KLHL25: variants seen among roughly 807,000 people sequenced by gnomAD.
KLHL25 encodes kelch like family member 25.
A neutral mutation model predicts 30.0 loss-of-function variants in KLHL25; 41 were observed. That is an observed-to-expected ratio of 1.37 (90% CI 1.07 to 1.78). KLHL25 has a LOEUF of 1.78. KLHL25 is among the 40% of genes most tolerant of loss of function. The pLI, the probability that KLHL25 is intolerant of heterozygous loss-of-function variation, is 0.00. For synonymous variants in KLHL25, 399 were observed against 355.3 expected, an observed-to-expected ratio of 1.12 and a Z score of -1.38; for missense variants, 971 against 824.5, an observed-to-expected ratio of 1.18 and a Z score of -2.18.
At chr15:85,777,528 G>A (rs1022416619) in intron 1 of KLHL25, among the ~76,000 whole-genome samples, 5 of 152,218 alleles carry the variant, frequency 3.3e-5, no homozygotes, top group South Asian at 2.1e-4. Flanking sequence ...AGGGCCGGCC[G>A]ATGTTTCAGT....
intron 1 of KLHL25, among the ~76,000 whole-genome samples, chr15:85,791,457 T>C (rs574615564): frequency 6.6e-6 from 1 of 152,138 alleles, no homozygotes; most frequent in Non-Finnish European, 1.5e-5. Context: ...ATGGCGCCAT[T>C]GCACTCCAGC....
At chr15:85,793,456 A>C (rs2089830063) in intron 1 of KLHL25, among the ~76,000 whole-genome samples, 1 of 152,136 alleles carries the variant, frequency 6.6e-6, no homozygotes, top group South Asian at 2.1e-4. Context: ...TTGGGACACC[A>C]AATGGACCCT....
At chr15:85,776,874 G>A (rs1350242053) in intron 1 of KLHL25, among the ~76,000 whole-genome samples, 3 of 151,316 alleles carry the variant, frequency 2.0e-5, no homozygotes, top group Admixed American at 6.6e-5. Context: ...GCAGTGAGCC[G>A]AGATGCCACC....
At chr15:85,767,183 G>A (rs1044392075) in intron 2 of KLHL25, among the ~76,000 whole-genome samples, 2 of 152,030 alleles carry the variant, frequency 1.3e-5, no homozygotes, top group East Asian at 1.9e-4. Flanking sequence ...GTAGGGATGG[G>A]GTTTCACTTG....
At chr15:85,776,441 A>T (rs2089709655) in intron 1 of KLHL25, among the ~76,000 whole-genome samples, 1 of 151,826 alleles carries the variant, frequency 6.6e-6, no homozygotes, top group South Asian at 2.1e-4. Flanking sequence ...GTGAGCCAAG[A>T]TCGTGCCACT....
intron 1 of KLHL25, among the ~76,000 whole-genome samples, chr15:85,793,510 C>A (rs531080134): frequency 1.3e-5 from 2 of 152,270 alleles, no homozygotes; most frequent in East Asian, 3.9e-4. Context: ...CAGACCCCCA[C>A]GCAAGCCTTC....
rs758839505 is a variant in KLHL25, at chr15:85,768,406, C to A, written c.1405G>T (p.Glu469Ter). The A allele has an allele frequency of 1.9e-5, 31 of 1,613,486 alleles. No individual in the cohort carries two copies. Among genetic ancestry groups the A allele is most frequent in the Non-Finnish European group, 2.5e-5 (30 of 1,179,956 alleles). ...VSKVQCYDPS[E>*]NRWTIKAECP... ...TCGGCCTTGATCGTCCACCTGTTCT[C>A]CGAGGGGTCATAGCACTGGACCTTG... The change falls in exon 2 of 3, where the codon GAG (glutamate) becomes TAG (stop). Residue 469 changes from glutamate to a stop codon, truncating the protein, a stop_gained. Transcript: ENST00000337975. LOFTEE classifies it high-confidence loss of function.
At position 85,759,760 on chromosome 15, in the gene KLHL25, C is replaced by G. The variant is rs1597268387; in HGVS notation, c.*1276G>C. ...CTCCGCGGCCCTAATCTTGAGCCAG[C>G]CAAGCAGTGTTCACACTGCAGGTGC... is the stretch of plus-strand genomic sequence containing the variant. On this transcript the variant is annotated 3_prime_UTR_variant, in exon 3 of 3. Coordinates refer to ENST00000337975, the MANE Select transcript of KLHL25 (RefSeq NM_022480.4). 1 of 152,392 alleles carries G rather than the reference C, an allele frequency of 6.6e-6. No homozygotes were observed. Among genetic ancestry groups the G allele is most frequent in the South Asian group, 2.1e-4 (1 of 4,832 alleles). 9.4% of individuals were successfully genotyped at this position (152,392 alleles called of 1,614,324 possible).
At chr15:85,774,041 T>C (rs1422401946) in intron 1 of KLHL25, among the ~76,000 whole-genome samples, 1 of 152,064 alleles carries the variant, frequency 6.6e-6, no homozygotes, top group Non-Finnish European at 1.5e-5. Flanking sequence ...ACCAGTGACA[T>C]ACCCAGCCTC....
At position 85,759,626 on chromosome 15, in the gene KLHL25, A is replaced by C; in HGVS notation, c.*1410T>G. ...GCCAGTGCCCCATGGCGGGCGTGTC[A>C]GTGGGCAAACCCTGCCCAAAGGTCC... On this transcript the variant is annotated 3_prime_UTR_variant, in exon 3 of 3. Transcript: ENST00000337975. 1 of 152,280 alleles carries C rather than the reference A, an allele frequency of 6.6e-6. No individual in the cohort carries two copies. The highest frequency in any genetic ancestry group is 1.9e-4 in the East Asian group (1 of 5,178). 9.4% of individuals were successfully genotyped at this position (152,280 alleles called of 1,614,324 possible). A position where few individuals can be genotyped will look rare whatever the true frequency, so the allele number is the denominator to read the frequency against.
intron 1 of KLHL25, among the ~76,000 whole-genome samples, chr15:85,778,244 T>C (rs994291522): frequency 7.9e-5 from 12 of 152,322 alleles, no homozygotes; most frequent in Admixed American, 2.6e-4. Context: ...ATGCTTGGCC[T>C]GGAAAGACAC....
intron 1 of KLHL25, among the ~76,000 whole-genome samples, chr15:85,772,595 T>C (rs2089683844): frequency 6.6e-6 from 1 of 152,118 alleles, no homozygotes; most frequent in African/African-American, 2.4e-5. Context: ...TGGGGCACTG[T>C]GTTAACTGGG....
intron 2 of KLHL25, 25 bp downstream of exon 2, chr15:85,767,992 T>C (rs1163556954): frequency 6.8e-7 from 1 of 1,474,056 alleles, no homozygotes; most frequent in Admixed American, 1.9e-5. Flanking sequence ...GGACCCAGAG[T>C]GGCCGTGGGC....
At chr15:85,772,613 C>G (rs1001483656) in intron 1 of KLHL25, among the ~76,000 whole-genome samples, 2 of 152,172 alleles carry the variant, frequency 1.3e-5, no homozygotes, top group African/African-American at 4.8e-5. Flanking sequence ...GGGCTGCCTG[C>G]GAGAGTACCC....
At position 85,776,010 on chromosome 15, in the gene KLHL25, A is replaced by G. The variant is rs575277684; in HGVS notation, c.-10-6190T>C. Among the ~76,000 whole-genome samples, 8 of 151,842 alleles carry G rather than the reference A, an allele frequency of 5.3e-5. No homozygotes were observed. The East Asian group carries it at 7.7e-4, about 15-fold the overall frequency. On this transcript the variant is annotated intron_variant, in intron 1 of 2. Coordinates refer to ENST00000337975, the MANE Select transcript of KLHL25 (RefSeq NM_022480.4). ...AACATGGTGAAACCCCGTCTCTACT[A>G]AAAATACAAAAAATTACCCGGGCAT... is the stretch of plus-strand genomic sequence containing the variant.
At chr15:85,770,055 G>A (rs982489726) in intron 1 of KLHL25, among the ~76,000 whole-genome samples, 5 of 152,210 alleles carry the variant, frequency 3.3e-5, no homozygotes, top group African/African-American at 1.2e-4. Flanking sequence ...GCCAGCTCTG[G>A]GACAAACATC....
chr15:85,770,308 G>A (rs1240024005), intron 1 of KLHL25, among the ~76,000 whole-genome samples: 1 of 152,212 alleles, frequency 6.6e-6, no homozygotes, highest in Non-Finnish European at 1.5e-5. Context: ...AACTGCCACA[G>A]CCAGGATTCT....
In KLHL25 at chr15:85,768,699, G is replaced by T. The variant is rs542141942; in HGVS notation, c.1112C>A (p.Ala371Glu). Residue 371 changes from alanine to glutamate, a missense_variant, in exon 2 of 3, where the codon GCG becomes GAG. By Grantham distance (107) the Ala-to-Glu change is moderately radical. Coordinates refer to ENST00000337975, the MANE Select transcript of KLHL25 (RefSeq NM_022480.4). Reference protein sequence around the residue: ...YDTVHEEWSKAAPMLIARFGH... With the variant: ...YDTVHEEWSKEAPMLIARFGH... ...AAAGCGGGCAATCAGCATGGGCGCC[G>T]CCTTGGACCATTCCTCATGTACGGT... 2 of 1,613,508 alleles carry T rather than the reference G, an allele frequency of 1.2e-6. No individual in the cohort carries two copies. Among genetic ancestry groups the T allele is most frequent in the Non-Finnish European group, 8.5e-7 (1 of 1,179,930 alleles).
chr15:85,765,156 T>G (rs1264697206), intron 2 of KLHL25, among the ~76,000 whole-genome samples: 1 of 152,094 alleles, frequency 6.6e-6, no homozygotes, highest in African/African-American at 2.4e-5. Context: ...CCAGCCCGGC[T>G]GGCCTGGGGT....
Sources: allele counts gnomAD v4.1 joint callset (sites outside exome capture counted in the v4.1 genomes callset), GRCh38; gene constraint gnomAD v4.1.1; transcripts MANE v1.5; gene names NCBI Gene and HGNC (gene_info 2026-07-23, HGNC 2026-07-21).